The following DST variants were observed in gnomAD, a reference collection of about 807,000 sequenced individuals.
DST encodes the protein dystonin, also known as bullous pemphigoid antigen.
A neutral mutation model predicts 875.2 loss-of-function variants in DST; 253 were observed. The observed-to-expected ratio is 0.29, with a 90% confidence interval of 0.26 to 0.32. DST has a LOEUF of 0.32. DST is among the 10% of genes least tolerant of loss of function. DST has a pLI of 1.00. For synonymous variants in DST, 3,124 were observed against 3,197.1 expected (o/e 0.98, Z 0.77); for missense variants, 8,287 against 9,111.6 (o/e 0.91, Z 3.68).
At chr6:56,827,129 G>A (rs150957539) in intron 4 of DST, among the ~76,000 whole-genome samples, 26 of 152,200 alleles carry the variant, frequency 1.7e-4, no homozygotes, top group African/African-American at 6.3e-4. Flanking sequence ...AGTTCCAAAC[G>A]ACCAACTTAT....
At chr6:56,506,394 C>A in intron 77 of DST, 49 bp downstream of exon 77, 1 of 1,459,724 alleles carries the variant, frequency 6.9e-7, no homozygotes, top group Non-Finnish European at 9.4e-7. Context: ...TCAATTAGTA[C>A]GATTCCTCCT....
intron 5 of DST, among the ~76,000 whole-genome samples, chr6:56,721,746 A>T (rs1340275944): frequency 6.6e-6 from 1 of 152,264 alleles, no homozygotes; most frequent in East Asian, 1.9e-4. Context: ...ATAGAACCAC[A>T]GCTGGATTTA....
chr6:56,506,397 T>A, intron 77 of DST, 46 bp downstream of exon 77: 2 of 1,479,606 alleles, frequency 1.4e-6, no homozygotes, highest in Non-Finnish European at 1.9e-6. Context: ...ATTAGTACGA[T>A]TCCTCCTTCC....
At chr6:56,645,164 T>A (rs1260652011) in intron 15 of DST, among the ~76,000 whole-genome samples, 1 of 152,222 alleles carries the variant, frequency 6.6e-6, no homozygotes, top group Non-Finnish European at 1.5e-5. Context: ...GAGAATGGAC[T>A]AATACACCCT....
intron 3 of DST, among the ~76,000 whole-genome samples, chr6:56,898,630 AC>A (rs1278531160): frequency 1.3e-5 from 2 of 152,200 alleles, no homozygotes; most frequent in African/African-American, 4.8e-5. Context: ...TCTGGCCTCT[AC>A]CCAACCCACC....
chr6:56,465,436 C>A (rs1453856721), intron 99 of DST, among the ~76,000 whole-genome samples: 1 of 152,016 alleles, frequency 6.6e-6, no homozygotes, highest in African/African-American at 2.4e-5. Flanking sequence ...AATCAAATGA[C>A]CACGTGTAAC....
chr6:56,788,984 A>G (rs1418288572), intron 4 of DST, among the ~76,000 whole-genome samples: 1 of 152,218 alleles, frequency 6.6e-6, no homozygotes, highest in African/African-American at 2.4e-5. Flanking sequence ...TAGTCTTAGT[A>G]GAAACATTGT....
chr6:56,817,218 A>G (rs921230475), intron 4 of DST, among the ~76,000 whole-genome samples: 2 of 152,180 alleles, frequency 1.3e-5, no homozygotes, highest in African/African-American at 4.8e-5. Flanking sequence ...CTCCCTTTCT[A>G]GTGTCTCTTC....
intron 3 of DST, among the ~76,000 whole-genome samples, chr6:56,855,214 G>T (rs1215640323): frequency 6.6e-6 from 1 of 152,154 alleles, no homozygotes; most frequent in Non-Finnish European, 1.5e-5. Context: ...GGAAACTGCT[G>T]CTTTAAGTCA....
At chr6:56,888,421 G>A (rs1206665561) in intron 3 of DST, among the ~76,000 whole-genome samples, 1 of 152,076 alleles carries the variant, frequency 6.6e-6, no homozygotes, top group Non-Finnish European at 1.5e-5. Context: ...AATTCCAAAG[G>A]GGAAAAGGAA....
intron 4 of DST, among the ~76,000 whole-genome samples, chr6:56,778,647 C>A (rs2099684934): frequency 1.4e-5 from 2 of 147,746 alleles, no homozygotes; most frequent in South Asian, 4.2e-4. Flanking sequence ...GGTTTTTTGT[C>A]CTTGAGATAG....
At position 56,592,173 on chromosome 6, in the gene DST, G is replaced by T. The variant is rs775106494; in HGVS notation, c.12903+9C>A. On this transcript the variant is annotated intron_variant, in intron 49 of 103. Coordinates refer to ENST00000680361, the MANE Select transcript of DST (RefSeq NM_001374736.1). ...TACTGGAAATGTGGATCTTTCTCTC[G>T]CTTTTTACCTTGGTCTCTTCTAATT... 1 of 1,610,048 alleles carries T rather than the reference G, an allele frequency of 6.2e-7. No homozygotes were observed. The highest frequency in any genetic ancestry group is 8.5e-7 in the Non-Finnish European group (1 of 1,178,308).
intron 3 of DST, among the ~76,000 whole-genome samples, chr6:56,869,769 C>T (rs938462125): frequency 1.3e-5 from 2 of 152,246 alleles, no homozygotes; most frequent in African/African-American, 2.4e-5. Flanking sequence ...ATCTCAGCCT[C>T]AACCTCCCAG....
chr6:56,667,506 C>G (rs986971241), intron 10 of DST, among the ~76,000 whole-genome samples: 1 of 152,122 alleles, frequency 6.6e-6, no homozygotes, highest in Non-Finnish European at 1.5e-5. Context: ...TTATAAGCCA[C>G]AGGACAACGA....
chr6:56,713,748 G>A (rs940309002), intron 5 of DST, among the ~76,000 whole-genome samples: 5 of 152,152 alleles, frequency 3.3e-5, no homozygotes, highest in African/African-American at 1.2e-4. Context: ...GACACAAGTG[G>A]TTGCTTCATC....
At chr6:56,671,978 AG>A (rs2099104037) in intron 9 of DST, among the ~76,000 whole-genome samples, 1 of 152,234 alleles carries the variant, frequency 6.6e-6, no homozygotes, top group African/African-American at 2.4e-5. Flanking sequence ...GATAACGTTT[AG>A]GACCCTTTTC....
chr6:56,810,361 G>A (rs562187063), intron 4 of DST, among the ~76,000 whole-genome samples: 1 of 152,112 alleles, frequency 6.6e-6, no homozygotes, highest in African/African-American at 2.4e-5. Context: ...ACCCCTTCCA[G>A]AAATGGCAGC....
In DST at chr6:56,527,639, C is replaced by T. The variant is rs758120994; in HGVS notation, c.17776G>A (p.Glu5926Lys). The T allele has an allele frequency of 6.2e-7, 1 of 1,613,818 alleles. No homozygotes were observed. Among genetic ancestry groups the T allele is most frequent in the South Asian group, 1.1e-5 (1 of 91,080 alleles). The part of the protein sequence containing the change: ...KLSTDVAKTL[E>K]QALQLARRLH... ...CGCCTTGCAAGCTGCAGCGCCTGTTCCAGAGTCTTGGCCACATCAGTGCTC... is the reference window on the plus strand; with the variant it reads ...CGCCTTGCAAGCTGCAGCGCCTGTTTCAGAGTCTTGGCCACATCAGTGCTC... Residue 5926 changes from glutamate to lysine, a missense_variant, in exon 68 of 104, where the codon GAA becomes AAA. By Grantham distance (56) the Glu-to-Lys change is moderately conservative (BLOSUM62 1). Around this residue, in one of 10 missense-constraint regions of DST, gnomAD observed 777 missense variants for 764.8 expected, o/e 1.02. Transcript: ENST00000680361.
chr6:56,748,882 T>C (rs1464193055), intron 4 of DST, among the ~76,000 whole-genome samples: 2 of 152,152 alleles, frequency 1.3e-5, no homozygotes, highest in Non-Finnish European at 1.5e-5. Context: ...GGACATAAGA[T>C]AAACAGATGT....
Sources: allele counts gnomAD v4.1 joint callset (sites outside exome capture counted in the v4.1 genomes callset), GRCh38; gene constraint gnomAD v4.1.1; regional missense constraint gnomAD v4.1.1; transcripts MANE v1.5; gene names NCBI Gene and HGNC (gene_info 2026-07-23, HGNC 2026-07-21).